The following GPC6 variants were observed in gnomAD, a reference collection of about 807,000 sequenced individuals.
GPC6 encodes glypican 6.
A neutral mutation model predicts 55.2 loss-of-function variants in GPC6; 14 were observed. The observed-to-expected ratio is 0.25, with a 90% CI of 0.17 to 0.40. The LOEUF is 0.40. Among genes scored for constraint, GPC6 ranks in the 10% least tolerant of loss-of-function variants. The pLI, the probability that GPC6 is intolerant of heterozygous loss-of-function variation, is 1.00. For synonymous variants in GPC6, 278 were observed against 259.6 expected, an observed-to-expected ratio of 1.07 and a Z score of -0.68; for missense variants, 641 against 708.5, an observed-to-expected ratio of 0.90 and a Z score of 1.08.
intron 4 of GPC6, among the ~76,000 whole-genome samples, chr13:94,226,663 A>AT (rs1566565941): frequency 6.6e-6 from 1 of 152,198 alleles, no homozygotes; most frequent in African/African-American, 2.4e-5. Context: ...CTCTTACTGC[A>AT]TGACGGTTTC....
chr13:93,991,598 A>T (rs1355889772), intron 3 of GPC6, among the ~76,000 whole-genome samples: 29 of 152,136 alleles, frequency 1.9e-4, no homozygotes, highest in Admixed American at 1.9e-3. Flanking sequence ...AAGTATTTTT[A>T]TGCCATTCTG....
intron 3 of GPC6, among the ~76,000 whole-genome samples, chr13:93,974,236 G>A (rs557120613): frequency 3.3e-5 from 5 of 152,114 alleles, no homozygotes; most frequent in Admixed American, 6.6e-5. Context: ...TTTTTGGTCC[G>A]TAGGCATTGT....
intron 4 of GPC6, among the ~76,000 whole-genome samples, chr13:94,272,463 C>CTTTTTTTTTTTTTT (rs555664508): frequency 3.5e-4 from 30 of 85,748 alleles, no homozygotes; most frequent in South Asian, 1.3e-3. Flanking sequence ...CTTTTCTTTT[C>CTTTTTTTTTTTTTT]TTTTTTTTTT....
intron 1 of GPC6, among the ~76,000 whole-genome samples, chr13:93,507,168 C>T (rs938159894): frequency 4.8e-5 from 7 of 145,134 alleles, no homozygotes; most frequent in African/African-American, 1.8e-4. Context: ...GAAAGATAAA[C>T]AGGAAAGTAG....
At chr13:93,412,387 G>C (rs184227899) in intron 1 of GPC6, among the ~76,000 whole-genome samples, 1 of 152,272 alleles carries the variant, frequency 6.6e-6, no homozygotes, top group Admixed American at 6.5e-5. Flanking sequence ...CGGGCACAGT[G>C]AATCATGCCT....
At chr13:94,238,972 ATAATGC>A (rs2139023032) in intron 4 of GPC6, among the ~76,000 whole-genome samples, 2 of 152,326 alleles carry the variant, frequency 1.3e-5, no homozygotes, top group African/African-American at 4.8e-5. Flanking sequence ...AAGATCATTC[ATAATGC>A]TATAGTTTAG....
At chr13:93,231,348 T>C (rs1404549895) in intron 1 of GPC6, among the ~76,000 whole-genome samples, 476 of 33,218 alleles carry the variant, frequency 0.014, 8 homozygotes, top group African/African-American at 0.054. Context: ...TATATATACA[T>C]ATATATATAT....
chr13:94,351,979 A>AAAG (rs1555323455), intron 6 of GPC6, among the ~76,000 whole-genome samples: 18 of 142,856 alleles, frequency 1.3e-4, no homozygotes, highest in African/African-American at 3.2e-4. Flanking sequence ...AAAAAAAAAA[A>AAAG]AAAGAAAAAG....
intron 1 of GPC6, among the ~76,000 whole-genome samples, chr13:93,486,189 T>C (rs1879706631): frequency 6.6e-6 from 1 of 152,152 alleles, no homozygotes; most frequent in Admixed American, 6.5e-5. Flanking sequence ...AATGTGGTGT[T>C]GGTGGCTCAA....
intron 2 of GPC6, among the ~76,000 whole-genome samples, chr13:93,603,161 C>T (rs1419602083): frequency 6.6e-6 from 1 of 152,004 alleles, no homozygotes; most frequent in Non-Finnish European, 1.5e-5. Context: ...AGGCACACAC[C>T]ACCACACCCA....
chr13:93,258,255 C>G (rs1016466454), intron 1 of GPC6, among the ~76,000 whole-genome samples: 6 of 152,164 alleles, frequency 3.9e-5, no homozygotes, highest in African/African-American at 1.4e-4. Context: ...CAGTCTCAGT[C>G]TTTGCTTTGG....
At chr13:93,998,800 A>G (rs1881669726) in intron 3 of GPC6, among the ~76,000 whole-genome samples, 1 of 152,150 alleles carries the variant, frequency 6.6e-6, no homozygotes, top group South Asian at 2.1e-4. Flanking sequence ...GGCTAAATCA[A>G]GCTAATTAAC....
chr13:94,384,906 A>G (rs867251129), intron 7 of GPC6, among the ~76,000 whole-genome samples: 5 of 152,210 alleles, frequency 3.3e-5, no homozygotes, highest in Non-Finnish European at 5.9e-5. Flanking sequence ...TCATTGAGTC[A>G]GTCCACCAGT....
intron 1 of GPC6, among the ~76,000 whole-genome samples, chr13:93,301,015 G>A (rs868754586): frequency 4.7e-5 from 7 of 148,208 alleles, no homozygotes; most frequent in South Asian, 2.1e-4. Flanking sequence ...GAGAAACTCC[G>A]TCTCAAAAAA....
chr13:93,691,811 A>G (rs16949111), intron 2 of GPC6, among the ~76,000 whole-genome samples: 6,607 of 152,158 alleles, frequency 0.043, 485 homozygotes, highest in African/African-American at 0.15. Flanking sequence ...GCCGTGATAT[A>G]TTGTTAAATT....
intron 4 of GPC6, among the ~76,000 whole-genome samples, chr13:94,279,952 A>G (rs1892325719): frequency 6.6e-6 from 1 of 152,168 alleles, no homozygotes; most frequent in South Asian, 2.1e-4. Flanking sequence ...GTAGATGTCT[A>G]TTAGGTCCAC....
At chr13:93,417,795 T>C (rs1447740969) in intron 1 of GPC6, among the ~76,000 whole-genome samples, 2 of 152,070 alleles carry the variant, frequency 1.3e-5, no homozygotes, top group Non-Finnish European at 2.9e-5. Flanking sequence ...GAAAAATCTA[T>C]ATATGGATAA....
chr13:93,343,264 T>C (rs1263651503), intron 1 of GPC6, among the ~76,000 whole-genome samples: 1 of 152,060 alleles, frequency 6.6e-6, no homozygotes, highest in Non-Finnish European at 1.5e-5. Flanking sequence ...CTCAAGGAGA[T>C]ATAGTATATG....
At chr13:93,689,457 G>A (rs927510627) in intron 2 of GPC6, among the ~76,000 whole-genome samples, 1 of 152,112 alleles carries the variant, frequency 6.6e-6, no homozygotes, top group African/African-American at 2.4e-5. Context: ...AAGCACATTA[G>A]GGGGGATTAA....
Sources: allele counts gnomAD v4.1 joint callset (sites outside exome capture counted in the v4.1 genomes callset), GRCh38; gene constraint gnomAD v4.1.1; transcripts MANE v1.5; gene names NCBI Gene and HGNC (gene_info 2026-07-23, HGNC 2026-07-21).